ZNF627: variants seen among roughly 807,000 people sequenced by gnomAD.
ZNF627 encodes the protein zinc finger protein 627.
A neutral mutation model predicts 10.6 loss-of-function variants in ZNF627; 12 were observed. That is an observed-to-expected ratio of 1.13 (90% CI 0.73 to 1.84). The LOEUF is 1.84. Ranked by LOEUF, ZNF627 falls within the 40% of genes most tolerant of loss-of-function variation. ZNF627 has a pLI of 0.00. For missense variants in ZNF627, 504 were observed against 568.4 expected (o/e 0.89, Z 1.15); for synonymous variants, 176 against 187.1 (o/e 0.94, Z 0.48).
intron 1 of ZNF627, among the ~76,000 whole-genome samples, chr19:11,601,161 G>A (rs1973577915): frequency 6.6e-6 from 1 of 152,190 alleles, no homozygotes; most frequent in Non-Finnish European, 1.5e-5. Flanking sequence ...CTGACTTTGG[G>A]TGGAGCCCTT....
chr19:11,600,351 A>G (rs1973563344), intron 1 of ZNF627, among the ~76,000 whole-genome samples: 1 of 152,048 alleles, frequency 6.6e-6, no homozygotes, highest in Admixed American at 6.6e-5. Context: ...GAGGCAGGAG[A>G]ATGGCATGAA....
chr19:11,616,578 A>G, intron 3 of ZNF627, 117 bp from the exon 4 acceptor site: 2 of 711,638 alleles, frequency 2.8e-6, no homozygotes, highest in Non-Finnish European at 2.2e-6. Context: ...TGGGCAACAT[A>G]GTAAGATTCT....
chr19:11,613,916 ATTTTTT>A (rs35877992), intron 1 of ZNF627, among the ~76,000 whole-genome samples: 1 of 92,500 alleles, frequency 1.1e-5, no homozygotes, highest in Non-Finnish European at 2.0e-5. Context: ...TAGTTACTAG[ATTTTTT>A]TTTTTTTTTT....
intron 1 of ZNF627, among the ~76,000 whole-genome samples, chr19:11,612,525 G>A (rs1029618598): frequency 1.4e-5 from 2 of 147,074 alleles, no homozygotes; most frequent in Non-Finnish European, 1.5e-5. Context: ...GGGTTCAAGC[G>A]ATTCTTCTGC....
chr19:11,603,886 C>T (rs1973629891), intron 1 of ZNF627, among the ~76,000 whole-genome samples: 1 of 151,846 alleles, frequency 6.6e-6, no homozygotes, highest in South Asian at 2.1e-4. Flanking sequence ...CTGCTCACTG[C>T]AGGCTAGACC....
intron 1 of ZNF627, 91 bp downstream of exon 1, chr19:11,597,721 G>A (rs1415598664): frequency 5.5e-6 from 7 of 1,266,676 alleles, no homozygotes; most frequent in Non-Finnish European, 7.1e-6. Flanking sequence ...AGGCCTCCCT[G>A]CGGCGACTCC....
At chr19:11,604,980 G>A (rs1973648665) in intron 1 of ZNF627, among the ~76,000 whole-genome samples, 1 of 152,030 alleles carries the variant, frequency 6.6e-6, no homozygotes, top group African/African-American at 2.4e-5. Flanking sequence ...CTGCAGGCCA[G>A]TGCCAAGCCC....
chr19:11,615,777 G>GTGCC (rs1274167606), intron 3 of ZNF627, among the ~76,000 whole-genome samples: 2 of 147,658 alleles, frequency 1.4e-5, no homozygotes, highest in African/African-American at 2.5e-5. Context: ...GAGTGCAAGG[G>GTGCC]TGCCATCTTG....
chr19:11,618,096 TG>T lies in ZNF627; in HGVS notation c.*209del. 1 of 473,252 alleles carries T rather than the reference TG, an allele frequency of 2.1e-6. No individual in the cohort carries two copies. The allele number at this position is 473,252 out of a possible 1,614,324, so 29.3% of individuals were successfully genotyped here. On this transcript the variant is annotated 3_prime_UTR_variant, in exon 4 of 4. Coordinates refer to ENST00000361113, the MANE Select transcript of ZNF627 (RefSeq NM_145295.4). ...TCTCTGGATTGTGTTATGTCAGTGT[TG>T]GTAGGTTAGGAACTAGATTTCCCAG... is the stretch of plus-strand genomic sequence containing the variant.
intron 1 of ZNF627, among the ~76,000 whole-genome samples, chr19:11,611,561 AC>A (rs1267367382): frequency 6.6e-6 from 1 of 152,176 alleles, no homozygotes; most frequent in Non-Finnish European, 1.5e-5. Flanking sequence ...CCCAATAGAA[AC>A]TTTTGCTGTG....
Position 11,614,859 on chromosome 19 carries a change from C to G in ZNF627, c.163C>G (p.Pro55Ala). 1 of 1,607,256 alleles carries G rather than the reference C, an allele frequency of 6.2e-7. No homozygotes were observed. Among genetic ancestry groups the G allele is most frequent in the Non-Finnish European group, 8.5e-7 (1 of 1,178,018 alleles). Residue 55 changes from proline to alanine, a missense_variant, in exon 3 of 4, where the codon CCA (proline) becomes GCA (alanine). Coordinates refer to ENST00000361113, the MANE Select transcript of ZNF627 (RefSeq NM_145295.4). ...KQWEDQNIED[P>A]FKIPRRNISH... ...ATGGGAAGACCAGAACATTGAAGAC[C>G]CATTCAAAATTCCCAGGAGAAATAT...
At chr19:11,603,728 C>T (rs1369826994) in intron 1 of ZNF627, among the ~76,000 whole-genome samples, 5 of 151,790 alleles carry the variant, frequency 3.3e-5, no homozygotes, top group Admixed American at 1.3e-4. Flanking sequence ...TTTTTTAGAC[C>T]GGTTGTAGTT....
chr19:11,615,974 C>T (rs1973860198), intron 3 of ZNF627, among the ~76,000 whole-genome samples: 1 of 151,476 alleles, frequency 6.6e-6, no homozygotes, highest in South Asian at 2.1e-4. Flanking sequence ...CTGCCTCAGC[C>T]TCCGAAAGTG....
At position 11,617,666 on chromosome 19, in the gene ZNF627, A is replaced by G; in HGVS notation, c.1163A>G (p.Glu388Gly). 1.9e-6 allele frequency: 3 copies of G among 1,613,386 alleles called. No individual in the cohort carries two copies. The highest frequency in any genetic ancestry group is 2.5e-6 in the Non-Finnish European group (3 of 1,179,788). ...AAACATGAAAGAATTCACACTGGAGAGAAACCCTATAAATGTACAAAATGT... is the reference window on the plus strand; with the variant it reads ...AAACATGAAAGAATTCACACTGGAGGGAAACCCTATAAATGTACAAAATGT... ...FRKHERIHTG[E>G]KPYKCTKCGK... The change falls in exon 4 of 4, where the codon GAG (glutamate) becomes GGG (glycine). Residue 388 changes from glutamate to glycine, a missense_variant. Coordinates refer to ENST00000361113, the MANE Select transcript of ZNF627 (RefSeq NM_145295.4).
rs183827179 is a variant in ZNF627 at position 11,617,862 on chromosome 19, C to A, written c.1359C>A (p.Asn453Lys). 2.6e-6 allele frequency: 4 copies of A among 1,559,172 alleles called. No homozygotes were observed. The highest frequency in any genetic ancestry group is 3.4e-6 in the Non-Finnish European group (4 of 1,160,034). ...AACCCTATGAGAACCCTAACCCTAA[C>A]GCTTCAGTTGTCCCAGTTCTTTCAT... ...GEKPYENPNP[N>K]ASVVPVLS The change falls in exon 4 of 4, where the codon AAC becomes AAA. Residue 453 changes from asparagine (N) to lysine (K), a missense_variant. Coordinates refer to ENST00000361113, the MANE Select transcript of ZNF627 (RefSeq NM_145295.4).
Position 11,597,518 on chromosome 19 carries a change from C to G in ZNF627, c.-110C>G. 8.4e-7 allele frequency: 1 copy of G among 1,189,416 alleles called. No homozygotes were observed. Among genetic ancestry groups the G allele is most frequent in the Non-Finnish European group, 1.1e-6 (1 of 927,888 alleles). The allele number at this position is 1,189,416 out of a possible 1,614,324, so 73.7% of individuals were successfully genotyped here. On this transcript the variant is annotated 5_prime_UTR_variant, in exon 1 of 4. Coordinates refer to ENST00000361113, the MANE Select transcript of ZNF627 (RefSeq NM_145295.4). ...ACCGTCCCCACCCGGGCTCGCGTCT[C>G]CGTTTCTCCGAGAGGCCCAAGGTGT...
At chr19:11,609,830 A>G (rs1973743155) in intron 1 of ZNF627, among the ~76,000 whole-genome samples, 1 of 151,824 alleles carries the variant, frequency 6.6e-6, no homozygotes. Context: ...TTTTGTTGAT[A>G]TTATTGCATG....
At chr19:11,610,068 T>G (rs1227811603) in intron 1 of ZNF627, among the ~76,000 whole-genome samples, 3 of 109,390 alleles carry the variant, frequency 2.7e-5, no homozygotes, top group African/African-American at 1.0e-4. Context: ...TTTTTTTTTT[T>G]TGAGACGGAG....
At chr19:11,601,352 T>G (rs56963444) in intron 1 of ZNF627, among the ~76,000 whole-genome samples, 2,543 of 152,234 alleles carry the variant, frequency 0.017, 47 homozygotes, top group African/African-American at 0.046. Context: ...TTTATTTTTT[T>G]TGTGTGTGAC....
Sources: allele counts gnomAD v4.1 joint callset (sites outside exome capture counted in the v4.1 genomes callset), GRCh38; gene constraint gnomAD v4.1.1; transcripts MANE v1.5; gene names NCBI Gene and HGNC (gene_info 2026-07-23, HGNC 2026-07-21).